The following CSNK1G1 variants were observed in gnomAD, a reference collection of about 807,000 sequenced individuals.
CSNK1G1 encodes the protein casein kinase 1 gamma 1.
CSNK1G1 carries 22 observed loss-of-function variants against 59.6 expected under a neutral mutation model. That is an observed-to-expected ratio of 0.37 (90% CI 0.26 to 0.53). CSNK1G1 has a LOEUF of 0.53. Ranked by LOEUF, CSNK1G1 falls within the 20% of genes least tolerant of loss-of-function variation. The probability of loss-of-function intolerance (pLI) is 0.89; values close to 1 mark genes in which losing one functional copy is unlikely to be tolerated. For missense variants in CSNK1G1, 384 were observed against 519.5 expected, an observed-to-expected ratio of 0.74 and a Z score of 2.54; for synonymous variants, 179 against 177.1, an observed-to-expected ratio of 1.01 and a Z score of -0.08.
At chr15:64,295,785 T>C (rs1003356826) in intron 2 of CSNK1G1, among the ~76,000 whole-genome samples, 1 of 152,244 alleles carries the variant, frequency 6.6e-6, no homozygotes, top group African/African-American at 2.4e-5. Context: ...AACTAGATTA[T>C]GTCACTCTGT....
intron 1 of CSNK1G1, among the ~76,000 whole-genome samples, chr15:64,344,268 C>T (rs910108747): frequency 1.3e-5 from 2 of 152,128 alleles, no homozygotes; most frequent in African/African-American, 4.8e-5. Flanking sequence ...GATGTGCATC[C>T]TTCAAGCCCT....
At chr15:64,198,845 A>T (rs1241764415) in intron 10 of CSNK1G1, among the ~76,000 whole-genome samples, 1 of 152,154 alleles carries the variant, frequency 6.6e-6, no homozygotes, top group Non-Finnish European at 1.5e-5. Flanking sequence ...CATAGTGCAG[A>T]AAGAATTTTA....
chr15:64,320,345 A>C (rs1896493484), intron 1 of CSNK1G1, among the ~76,000 whole-genome samples: 2 of 152,146 alleles, frequency 1.3e-5, no homozygotes, highest in Admixed American at 1.3e-4. Flanking sequence ...TGTCCCACCT[A>C]ACAGGTACAG....
intron 10 of CSNK1G1, among the ~76,000 whole-genome samples, chr15:64,199,274 A>AAAAAG (rs1276427656): frequency 7.2e-6 from 1 of 139,776 alleles, no homozygotes; most frequent in African/African-American, 2.6e-5. Flanking sequence ...AAAAAAAAAG[A>AAAAAG]AAAAGAAAAG....
intron 4 of CSNK1G1, among the ~76,000 whole-genome samples, chr15:64,233,913 TGGACTTAA>T (rs1287721299): frequency 6.6e-6 from 1 of 152,206 alleles, no homozygotes; most frequent in Non-Finnish European, 1.5e-5. Flanking sequence ...TGCCACACAC[TGGACTTAA>T]GCTACAACAT....
At chr15:64,213,452 T>C (rs1436195317) in intron 6 of CSNK1G1, among the ~76,000 whole-genome samples, 1 of 152,208 alleles carries the variant, frequency 6.6e-6, no homozygotes, top group Non-Finnish European at 1.5e-5. Context: ...ACAGAAGCTC[T>C]TCCTTGAAGA....
intron 1 of CSNK1G1, among the ~76,000 whole-genome samples, chr15:64,351,612 C>T (rs191394529): frequency 6.6e-6 from 1 of 152,316 alleles, no homozygotes; most frequent in East Asian, 1.9e-4. Context: ...GGCACGGTGG[C>T]TCACGCCTGT....
At chr15:64,330,441 T>C (rs1897060857) in intron 1 of CSNK1G1, among the ~76,000 whole-genome samples, 1 of 150,354 alleles carries the variant, frequency 6.7e-6, no homozygotes, top group Non-Finnish European at 1.5e-5. Context: ...ATTATCTCAA[T>C]AGATGCAGAA....
At chr15:64,353,471 T>G (rs1409949491) in intron 1 of CSNK1G1, among the ~76,000 whole-genome samples, 1 of 151,674 alleles carries the variant, frequency 6.6e-6, no homozygotes, top group East Asian at 1.9e-4. Flanking sequence ...ATGATGACAC[T>G]TCGTCTCTAC....
intron 4 of CSNK1G1, among the ~76,000 whole-genome samples, chr15:64,242,977 CG>C (rs1891549977): frequency 6.6e-6 from 1 of 151,892 alleles, no homozygotes; most frequent in Non-Finnish European, 1.5e-5. Flanking sequence ...TGGACAAAAC[CG>C]TATGATCATC....
intron 2 of CSNK1G1, among the ~76,000 whole-genome samples, chr15:64,286,283 G>A (rs1413750100): frequency 6.8e-6 from 1 of 147,766 alleles, no homozygotes; most frequent in Non-Finnish European, 1.5e-5. Flanking sequence ...AGTATAAAAA[G>A]TAGCATTACA....
At chr15:64,265,674 A>G in intron 2 of CSNK1G1, 1 of 353,784 alleles carries the variant, frequency 2.8e-6, no homozygotes, top group South Asian at 2.2e-5. Context: ...AAAAAAAAAA[A>G]AAACCTAGGA....
chr15:64,189,272 C>G (rs1368181903), intron 10 of CSNK1G1: 1 of 909,296 alleles, frequency 1.1e-6, no homozygotes, highest in Admixed American at 5.9e-5. Flanking sequence ...AAAGGAGGGT[C>G]GACCTTCAAC....
At chr15:64,297,477 G>C (rs1026334299) in intron 2 of CSNK1G1, among the ~76,000 whole-genome samples, 6 of 152,092 alleles carry the variant, frequency 3.9e-5, no homozygotes, top group African/African-American at 1.2e-4. Context: ...GGAAGGCCAA[G>C]GCAGGAGAAT....
rs577545775 is a variant in CSNK1G1, at chr15:64,292,481, G to T, written c.181+7838C>A. ...AAAAGATCAAAAAGGTTAATTTGTT[G>T]TGCCTCCATTTTGTTGTATGCAAGT... On this transcript the variant is annotated intron_variant, in intron 2 of 11. Transcript: ENST00000303052. Among the ~76,000 whole-genome samples, 3 of 152,272 alleles carry T rather than the reference G, an allele frequency of 2.0e-5. No homozygotes were observed. The South Asian group carries it at 6.2e-4, about 32-fold the overall frequency.
intron 2 of CSNK1G1, among the ~76,000 whole-genome samples, chr15:64,299,782 T>G (rs1204608112): frequency 6.6e-6 from 1 of 152,038 alleles, no homozygotes; most frequent in Non-Finnish European, 1.5e-5. Context: ...AACTTAATTC[T>G]AATGCTGGAA....
Position 64,204,942 on chromosome 15 carries a change from G to C in CSNK1G1, c.773C>G (p.Thr258Arg). ...SLPWQGLKAD[T>R]LKERYQKIGD... ...AATTTTTTGATATCTCTCTTTTAAT[G>C]TGTCAGCCTGTAGAGAGTAAAGAGA... The change falls in exon 8 of 12, where the codon ACA (threonine) becomes AGA (arginine). Residue 258 changes from threonine to arginine, a missense_variant. By Grantham distance (71) the Thr-to-Arg change is moderately conservative (BLOSUM62 -1). Transcript: ENST00000303052. 1.9e-6 allele frequency: 3 copies of C among 1,585,142 alleles called. No individual in the cohort carries two copies. The highest frequency in any genetic ancestry group is 2.6e-6 in the Non-Finnish European group (3 of 1,153,886).
intron 4 of CSNK1G1, among the ~76,000 whole-genome samples, chr15:64,229,085 T>G (rs1410075393): frequency 6.6e-6 from 1 of 151,024 alleles, no homozygotes; most frequent in Admixed American, 6.6e-5. Context: ...TATCAACATA[T>G]AGACCTACCT....
At chr15:64,307,091 T>A (rs188794792) in intron 1 of CSNK1G1, among the ~76,000 whole-genome samples, 1 of 152,186 alleles carries the variant, frequency 6.6e-6, no homozygotes, top group Non-Finnish European at 1.5e-5. Context: ...TCCAAATCCA[T>A]AGAATGTATA....
Sources: allele counts gnomAD v4.1 joint callset (sites outside exome capture counted in the v4.1 genomes callset), GRCh38; gene constraint gnomAD v4.1.1; transcripts MANE v1.5; gene names NCBI Gene and HGNC (gene_info 2026-07-23, HGNC 2026-07-21).